FRMD4B: variants seen among roughly 807,000 people sequenced by gnomAD.
FRMD4B encodes the protein FERM domain containing 4B, also known as FERM domain-containing protein 4B.
FRMD4B carries 74 observed loss-of-function variants against 141.5 expected under a neutral mutation model. The ratio of observed to expected loss-of-function variants is 0.52; its 90% CI spans 0.43 to 0.63. The LOEUF is 0.63. FRMD4B is among the 30% of genes least tolerant of loss of function. FRMD4B has a pLI of 0.00. For synonymous variants in FRMD4B, 506 were observed against 467.9 expected, an observed-to-expected ratio of 1.08 and a Z score of -1.05; for missense variants, 1,366 against 1,253.4, an observed-to-expected ratio of 1.09 and a Z score of -1.36.
chr3:69,416,974 C>G (rs183901164), intron 2 of FRMD4B, among the ~76,000 whole-genome samples: 3 of 152,018 alleles, frequency 2.0e-5, no homozygotes, highest in African/African-American at 4.8e-5. Flanking sequence ...GGGTTGGTTC[C>G]GAGTCTTTGC....
At chr3:69,213,930 G>C (rs1208727291) in intron 11 of FRMD4B, among the ~76,000 whole-genome samples, 1 of 151,598 alleles carries the variant, frequency 6.6e-6, no homozygotes, top group Non-Finnish European at 1.5e-5. Flanking sequence ...CTCCCATCTT[G>C]ACCTCCAAAA....
intron 1 of FRMD4B, among the ~76,000 whole-genome samples, chr3:69,495,205 C>T (rs553429502): frequency 6.6e-6 from 1 of 152,282 alleles, no homozygotes; most frequent in Non-Finnish European, 1.5e-5. Flanking sequence ...TGAGGGAATA[C>T]ACTCCTCTTT....
chr3:69,306,811 G>A (rs1701411186), intron 3 of FRMD4B: 1 of 152,184 alleles, frequency 6.6e-6, no homozygotes, highest in Non-Finnish European at 1.5e-5. Context: ...GTGGCATCTA[G>A]GCTGGAAAAT....
intron 2 of FRMD4B, among the ~76,000 whole-genome samples, chr3:69,418,623 G>T (rs1025700470): frequency 2.6e-5 from 4 of 152,188 alleles, no homozygotes; most frequent in Admixed American, 6.5e-5. Context: ...TCAGGGAACT[G>T]CAGGTGGCTT....
At chr3:69,355,828 C>G (rs913599740) in intron 1 of FRMD4B, among the ~76,000 whole-genome samples, 1 of 152,110 alleles carries the variant, frequency 6.6e-6, no homozygotes, top group African/African-American at 2.4e-5. Flanking sequence ...GGTTTGAGAC[C>G]AGCCTGGCCA....
intron 1 of FRMD4B, among the ~76,000 whole-genome samples, chr3:69,515,451 T>G (rs1487467428): frequency 6.6e-6 from 1 of 152,246 alleles, no homozygotes; most frequent in East Asian, 1.9e-4. Flanking sequence ...GAAATTTGTC[T>G]ATTCTCCCCA....
chr3:69,293,420 G>T (rs998807149), intron 4 of FRMD4B, among the ~76,000 whole-genome samples: 1 of 114,466 alleles, frequency 8.7e-6, no homozygotes, highest in Admixed American at 9.5e-5. Context: ...CTGGAGAAAT[G>T]AGAGGGTTTG....
intron 17 of FRMD4B, among the ~76,000 whole-genome samples, chr3:69,193,230 C>G (rs1159049743): frequency 6.6e-6 from 1 of 152,182 alleles, no homozygotes; most frequent in African/African-American, 2.4e-5. Context: ...CTTAGTTTGT[C>G]AGGCGCAGTG....
At chr3:69,215,170 G>A (rs571536846) in intron 11 of FRMD4B, among the ~76,000 whole-genome samples, 25 of 149,026 alleles carry the variant, frequency 1.7e-4, no homozygotes, top group Non-Finnish European at 3.4e-4. Flanking sequence ...GTGAGCTACC[G>A]CACCCAGCTA....
chr3:69,285,337 C>T (rs957167736), intron 5 of FRMD4B, among the ~76,000 whole-genome samples: 1 of 137,260 alleles, frequency 7.3e-6, no homozygotes, highest in Non-Finnish European at 1.5e-5. Context: ...TACTATGTGA[C>T]AAGTTCAAGT....
At chr3:69,516,266 G>A (rs1700754512) in intron 1 of FRMD4B, among the ~76,000 whole-genome samples, 1 of 152,018 alleles carries the variant, frequency 6.6e-6, no homozygotes, top group Non-Finnish European at 1.5e-5. Context: ...CCTTAATTCT[G>A]GAAACTGCAG....
Position 69,169,283 on chromosome 3 carries a change from C to T in FRMD4B, c.*2578G>A, listed in dbSNP as rs982353079. Among the ~76,000 whole-genome samples, 6 of 149,862 alleles carry T rather than the reference C, an allele frequency of 4.0e-5. No individual in the cohort carries two copies. The highest frequency in any genetic ancestry group is 2.1e-4 in the South Asian group (1 of 4,706). On this transcript the variant is annotated 3_prime_UTR_variant, in exon 23 of 23. Transcript: ENST00000398540. ...TAGTTTAATTGGTTTAATACCAATG[C>T]GGTTGAGAAATGTTTTTCAAAAGAG...
rs2092575973 is a variant in FRMD4B at position 69,170,574 on chromosome 3, T to G, written c.*1287A>C. The G allele has an allele frequency of 1.3e-5, 2 of 152,068 alleles. No homozygotes were observed. Among genetic ancestry groups the G allele is most frequent in the African/African-American group, 4.8e-5 (2 of 41,430 alleles). The allele number at this position is 152,068 out of a possible 1,614,324, so 9.4% of individuals were successfully genotyped here. A position where few individuals can be genotyped will look rare whatever the true frequency, so the allele number is the denominator to read the frequency against. On this transcript the variant is annotated 3_prime_UTR_variant, in exon 23 of 23. Transcript: ENST00000398540. ...TTCAGAAACTTTTCTATTCACAATA[T>G]GAACAAGAAACTTGTATAAAAGAAG...
At chr3:69,511,853 T>C (rs1706694892) in intron 1 of FRMD4B, among the ~76,000 whole-genome samples, 1 of 152,218 alleles carries the variant, frequency 6.6e-6, no homozygotes, top group African/African-American at 2.4e-5. Context: ...TTTTCCCTCG[T>C]ATGTCCCTTG....
chr3:69,298,524 A>G lies in FRMD4B; in HGVS notation c.416+3819T>C, dbSNP rs558879418. On this transcript the variant is annotated intron_variant, in intron 4 of 22. Transcript: ENST00000398540. Reference sequence around the variant, plus strand: ...TCAAGCTCAAAACCCACAGGCCCCAATGCTCTACAGGCCAACCCCATGCCA... The same window carrying G: ...TCAAGCTCAAAACCCACAGGCCCCAGTGCTCTACAGGCCAACCCCATGCCA... Among the ~76,000 whole-genome samples, 119 of 152,290 alleles carry G rather than the reference A, an allele frequency of 7.8e-4. 1 individual carries two copies. Among genetic ancestry groups the G allele is most frequent in the African/African-American group, 2.5e-3 (104 of 41,556 alleles).
At chr3:69,532,657 T>G (rs1390275584) in intron 1 of FRMD4B, among the ~76,000 whole-genome samples, 2 of 152,184 alleles carry the variant, frequency 1.3e-5, no homozygotes, top group Non-Finnish European at 2.9e-5. Flanking sequence ...GAACTCGGGT[T>G]GAGTATTACA....
chr3:69,334,062 T>C (rs1027407578), intron 1 of FRMD4B: 2 of 152,232 alleles, frequency 1.3e-5, no homozygotes, highest in African/African-American at 2.4e-5. Context: ...TAGAGTGTGC[T>C]GGCCACTGGA....
intron 1 of FRMD4B, among the ~76,000 whole-genome samples, chr3:69,364,412 G>C (rs1208321604): frequency 6.6e-6 from 1 of 152,220 alleles, no homozygotes; most frequent in Non-Finnish European, 1.5e-5. Flanking sequence ...CTCCAGAAGG[G>C]AGACTGGGTG....
chr3:69,304,439 A>G (rs1216104761), intron 3 of FRMD4B, among the ~76,000 whole-genome samples: 1 of 146,840 alleles, frequency 6.8e-6, no homozygotes, highest in Non-Finnish European at 1.5e-5. Context: ...AGCCGAGGTC[A>G]TGCCACTACA....
Sources: allele counts gnomAD v4.1 joint callset (sites outside exome capture counted in the v4.1 genomes callset), GRCh38; gene constraint gnomAD v4.1.1; transcripts MANE v1.5; gene names NCBI Gene and HGNC (gene_info 2026-07-23, HGNC 2026-07-21).